Variants in SPMIP7 observed in about 807,000 individuals in gnomAD.
SPMIP7 encodes protein SPMIP7.
At chr7:50,131,736 T>C in the SPMIP7 span, among the ~76,000 whole-genome samples, 1 of 152,086 alleles carries the variant, frequency 6.6e-6, no homozygotes, top group African/African-American at 2.4e-5. Context: ...ATTCACATCA[T>C]GCAAATAGGT....
the SPMIP7 span, among the ~76,000 whole-genome samples, chr7:50,129,983 T>C: frequency 6.6e-6 from 1 of 152,138 alleles, no homozygotes; most frequent in Admixed American, 6.6e-5. Flanking sequence ...CTATGCTTGA[T>C]GGAAGAATAA....
the SPMIP7 span, among the ~76,000 whole-genome samples, chr7:50,143,555 A>G: frequency 2.1e-4 from 32 of 152,206 alleles, no homozygotes; most frequent in African/African-American, 7.7e-4. Flanking sequence ...TCTACAGGGC[A>G]AAAGTTTTAA....
At chr7:50,131,275 G>A in the SPMIP7 span, among the ~76,000 whole-genome samples, 3 of 152,172 alleles carry the variant, frequency 2.0e-5, no homozygotes, top group Non-Finnish European at 2.9e-5. Flanking sequence ...GAGAAAAGAC[G>A]ACTCAAAAAT....
At chr7:50,158,930 G>A in the SPMIP7 span, 6 of 1,006,654 alleles carry the variant, frequency 6.0e-6, no homozygotes, top group African/African-American at 3.2e-5. Context: ...CTCCCTGCCT[G>A]CAGTGCGCGC....
chr7:50,126,067 T>C, the SPMIP7 span, among the ~76,000 whole-genome samples: 1 of 152,130 alleles, frequency 6.6e-6, no homozygotes, highest in Non-Finnish European at 1.5e-5. Context: ...AATGTATACA[T>C]GTATCGAATC....
the SPMIP7 span, chr7:50,133,996 G>C: frequency 4.4e-6 from 4 of 917,616 alleles, no homozygotes; most frequent in Non-Finnish European, 6.4e-6. Flanking sequence ...ACACCAAGGG[G>C]CAGGGATCCT....
At chr7:50,123,480 G>C in the SPMIP7 span, among the ~76,000 whole-genome samples, 6 of 149,726 alleles carry the variant, frequency 4.0e-5, no homozygotes, top group African/African-American at 1.5e-4. Flanking sequence ...TGACGAGTTA[G>C]TGGTTGCAGC....
the SPMIP7 span, among the ~76,000 whole-genome samples, chr7:50,105,212 T>C: frequency 1.3e-5 from 2 of 152,176 alleles, no homozygotes; most frequent in African/African-American, 4.8e-5. Flanking sequence ...AACAGCTTTA[T>C]TGAGATATAT....
the SPMIP7 span, chr7:50,141,232 A>G: frequency 1.1e-5 from 14 of 1,248,234 alleles, no homozygotes; most frequent in African/African-American, 4.5e-5. Flanking sequence ...GGTTTCTTCT[A>G]TGTTTCTTAT....
chr7:50,097,466 C>T, the SPMIP7 span, among the ~76,000 whole-genome samples: 1 of 152,248 alleles, frequency 6.6e-6, no homozygotes, highest in South Asian at 2.1e-4. Context: ...GTATAGAGCT[C>T]ATCTGTCCCA....
the SPMIP7 span, among the ~76,000 whole-genome samples, chr7:50,156,693 C>T: frequency 6.6e-6 from 1 of 151,876 alleles, no homozygotes; most frequent in Non-Finnish European, 1.5e-5. Context: ...CAGGAAGACA[C>T]ACTCTTACTT....
At chr7:50,110,151 A>G in the SPMIP7 span, among the ~76,000 whole-genome samples, 1 of 151,932 alleles carries the variant, frequency 6.6e-6, no homozygotes, top group African/African-American at 2.4e-5. Flanking sequence ...TAGTTAATAA[A>G]TTTTTTAAAT....
At chr7:50,145,606 G>A in the SPMIP7 span, among the ~76,000 whole-genome samples, 130 of 37,918 alleles carry the variant, frequency 3.4e-3, 1 homozygote, top group Middle Eastern at 0.014. Flanking sequence ...GTGTGTGTGT[G>A]TATATGTGTG....
the SPMIP7 span, among the ~76,000 whole-genome samples, chr7:50,143,649 G>T: frequency 0.39 from 59,965 of 152,010 alleles, 12,844 homozygotes; most frequent in East Asian, 0.73. Context: ...TAGTGATTGT[G>T]CTAATAGCTT....
At chr7:50,158,551 C>T in the SPMIP7 span, among the ~76,000 whole-genome samples, 5 of 151,308 alleles carry the variant, frequency 3.3e-5, no homozygotes, top group African/African-American at 9.7e-5. Flanking sequence ...TCCTCTTGGC[C>T]GCTGGGTGAG....
the SPMIP7 span, among the ~76,000 whole-genome samples, chr7:50,111,007 C>A: frequency 1.4e-5 from 2 of 139,742 alleles, no homozygotes; most frequent in African/African-American, 5.3e-5. Flanking sequence ...TATGTAATAT[C>A]TTTATTATAT....
At chr7:50,122,288 C>T in the SPMIP7 span, among the ~76,000 whole-genome samples, 2 of 151,760 alleles carry the variant, frequency 1.3e-5, no homozygotes, top group Non-Finnish European at 2.9e-5. Context: ...TGATCTTTGA[C>T]AAACCTGAGA....
chr7:50,108,931 C>T, the SPMIP7 span, among the ~76,000 whole-genome samples: 27 of 152,252 alleles, frequency 1.8e-4, no homozygotes, highest in South Asian at 4.2e-4. Flanking sequence ...GTACAAAACA[C>T]GTCTTAGCAC....
the SPMIP7 span, chr7:50,141,311 T>C: frequency 1.3e-6 from 2 of 1,552,136 alleles, no homozygotes; most frequent in Admixed American, 3.9e-5. Context: ...ATGCTGATGA[T>C]GTTGACAACC....
Sources: allele counts gnomAD v4.1 joint callset (sites outside exome capture counted in the v4.1 genomes callset), GRCh38; gene constraint gnomAD v4.1.1; transcripts MANE v1.5; gene names NCBI Gene and HGNC (gene_info 2026-07-23, HGNC 2026-07-21).